Variants in PDP2 observed in about 807,000 individuals in gnomAD.
PDP2 encodes the protein pyruvate dehydrogenase phosphatase catalytic subunit 2.
A neutral mutation model predicts 34.2 loss-of-function variants in PDP2; 23 were observed. The ratio of observed to expected loss-of-function variants is 0.67; its 90% confidence interval spans 0.48 to 0.95. PDP2 has a LOEUF of 0.95. Ranked by LOEUF, PDP2 falls within the 40% of genes least tolerant of loss-of-function variation. The probability of loss-of-function intolerance (pLI) is 0.00; values close to 1 mark genes in which losing one functional copy is unlikely to be tolerated. For missense variants in PDP2, 571 were observed against 659.6 expected (o/e 0.87, Z 1.47); for synonymous variants, 275 against 269.2 (o/e 1.02, Z -0.21).
Position 66,881,091 on chromosome 16 carries a change from G to A in PDP2, c.-55+451G>A, listed in dbSNP as rs1294929548. On this transcript the variant is annotated intron_variant, in intron 1 of 1. Coordinates refer to ENST00000311765, the MANE Select transcript of PDP2 (RefSeq NM_020786.4). The stretch of plus-strand genomic sequence containing the variant: ...GGTTTTGGTGGGCTCCGGAGTCCAT[G>A]CACTTAGCGATGAGGCTGAAGTCAG... Among the ~76,000 whole-genome samples, 3 of 152,238 alleles carry A rather than the reference G, an allele frequency of 2.0e-5. No individual in the cohort carries two copies. In the East Asian group the frequency reaches 5.8e-4, roughly 29 times the overall value.
chr16:66,885,864 A>T lies in PDP2; in HGVS notation c.1580A>T (p.Lys527Met). 6.3e-7 allele frequency: 1 copy of T among 1,597,806 alleles called. No individual in the cohort carries two copies. The highest frequency in any genetic ancestry group is 2.2e-5 in the East Asian group (1 of 44,560). The change falls in exon 2 of 2, where the codon AAG (lysine) becomes ATG (methionine). Residue 527 changes from lysine (K) to methionine (M), a missense_variant. Lys to Met is a moderately conservative substitution (Grantham distance 95). Around this residue, in one of 2 missense-constraint regions of PDP2, gnomAD observed 281 missense variants for 375.8 expected, o/e 0.75. Transcript: ENST00000311765. This position sits in a 1 kb window ranked among gnomAD's most constrained non-coding sequence, Gnocchi z 4.6. ...TCAGAATCAATCGGTGCATATTACAAGGGGGGTTAAGAATCTCCCATCCTA... is the reference window on the plus strand; with the variant it reads ...TCAGAATCAATCGGTGCATATTACATGGGGGGTTAAGAATCTCCCATCCTA... The part of the protein sequence containing the change: ...FNSESIGAYY[K>M]GG
At position 66,888,070 on chromosome 16, in the gene PDP2, T is replaced by G. The variant is rs192075839; in HGVS notation, c.*2196T>G. On this transcript the variant is annotated 3_prime_UTR_variant, in exon 2 of 2. Coordinates refer to ENST00000311765, the MANE Select transcript of PDP2 (RefSeq NM_020786.4). ...CCTTCCTTCCTTCCTCTCTCTCTCT[T>G]TCTTTCTTTCTTTCCTTCTTGACAG... The G allele has an allele frequency of 1.4e-3, 189 of 138,180 alleles. 1 individual carries two copies. Among genetic ancestry groups the G allele is most frequent in the African/African-American group, 4.4e-3 (169 of 38,278 alleles). The allele number at this position is 138,180 out of a possible 1,614,324, so 8.6% of individuals were successfully genotyped here.
At position 66,884,678 on chromosome 16, in the gene PDP2, A is replaced by C. The variant is rs1961665923; in HGVS notation, c.394A>C (p.Thr132Pro). ...DRRGVASCLQTNGLMFGIFDG... is the reference protein window; with the variant it reads ...DRRGVASCLQPNGLMFGIFDG... ...GCGAGGTGTAGCCTCCTGCCTGCAAACCAATGGACTGATGTTTGGCATCTT... is the reference window on the plus strand; with the variant it reads ...GCGAGGTGTAGCCTCCTGCCTGCAACCCAATGGACTGATGTTTGGCATCTT... The change falls in exon 2 of 2, where the codon ACC (threonine) becomes CCC (proline). Residue 132 changes from threonine to proline, a missense_variant. Thr to Pro is a conservative substitution (Grantham distance 38, BLOSUM62 -1). Coordinates refer to ENST00000311765, the MANE Select transcript of PDP2 (RefSeq NM_020786.4). The C allele has an allele frequency of 1.2e-6, 2 of 1,614,054 alleles. No homozygotes were observed. Among genetic ancestry groups the C allele is most frequent in the Non-Finnish European group, 1.7e-6 (2 of 1,180,046 alleles).
Position 66,889,884 on chromosome 16 carries a change from C to T in PDP2, c.*4010C>T, listed in dbSNP as rs1438107045. On this transcript the variant is annotated 3_prime_UTR_variant, in exon 2 of 2. Coordinates refer to ENST00000311765, the MANE Select transcript of PDP2 (RefSeq NM_020786.4). ...CTGAAATGAGAGGATCTCTTGAGCC[C>T]AGGAGGTCTAGGCCAGAGTGAGCTG... The T allele has an allele frequency of 6.6e-6, 1 of 150,772 alleles. No individual in the cohort carries two copies. The highest frequency in any genetic ancestry group is 1.5e-5 in the Non-Finnish European group (1 of 67,894). 9.3% of individuals were successfully genotyped at this position (150,772 alleles called of 1,614,324 possible).
Position 66,885,701 on chromosome 16 carries a change from C to G in PDP2, c.1417C>G (p.Arg473Gly), listed in dbSNP as rs141108875. ...CGAGGCTGACCAAAATGCAGCCACG[C>G]GGCTGATCAGACATGCCATCGGGAA... is the stretch of plus-strand genomic sequence containing the variant. ...LHEADQNAAT[R>G]LIRHAIGNNE... The change falls in exon 2 of 2, where the codon CGG becomes GGG. Residue 473 changes from arginine (R) to glycine (G), a missense_variant. By Grantham distance (125) the Arg-to-Gly change is moderately radical. Coordinates refer to ENST00000311765, the MANE Select transcript of PDP2 (RefSeq NM_020786.4). This position sits in a 1 kb window ranked among gnomAD's most constrained non-coding sequence, Gnocchi z 4.6. 8 of 1,613,994 alleles carry G rather than the reference C, an allele frequency of 5.0e-6. No homozygotes were observed. The highest frequency in any genetic ancestry group is 1.3e-5 in the African/African-American group (1 of 75,026).
chr16:66,884,504 C>T lies in PDP2; in HGVS notation c.220C>T (p.His74Tyr), dbSNP rs937128272. 1 of 1,614,082 alleles carries T rather than the reference C, an allele frequency of 6.2e-7. No homozygotes were observed. The highest frequency in any genetic ancestry group is 8.5e-7 in the Non-Finnish European group (1 of 1,180,044). ...RHTSTEEDDFHLQLSPEQINE... is the reference protein window; with the variant it reads ...RHTSTEEDDFYLQLSPEQINE... The stretch of plus-strand genomic sequence containing the variant: ...CACATCAACAGAGGAAGATGATTTT[C>T]ACTTGCAACTCAGCCCTGAGCAGAT... The change falls in exon 2 of 2, where the codon CAC becomes TAC. Residue 74 changes from histidine to tyrosine, a missense_variant. His to Tyr is a moderately conservative substitution (Grantham distance 83). Coordinates refer to ENST00000311765, the MANE Select transcript of PDP2 (RefSeq NM_020786.4).
chr16:66,889,125 A>C lies in PDP2; in HGVS notation c.*3251A>C, dbSNP rs1961902923. 6.6e-6 allele frequency: 1 copy of C among 152,178 alleles called. No homozygotes were observed. The highest frequency in any genetic ancestry group is 2.4e-5 in the African/African-American group (1 of 41,436). 9.4% of individuals were successfully genotyped at this position (152,178 alleles called of 1,614,324 possible). A position where few individuals can be genotyped will look rare whatever the true frequency, so the allele number is the denominator to read the frequency against. The stretch of plus-strand genomic sequence containing the variant: ...TTAGTGGTAATTGTCAGGTCTTTCA[A>C]AGCATTTATTATTCCTTTTATACGG... On this transcript the variant is annotated 3_prime_UTR_variant, in exon 2 of 2. Transcript: ENST00000311765.
rs1961970463 is a variant in PDP2, at chr16:66,890,815, C to G, written c.*4941C>G. On this transcript the variant is annotated 3_prime_UTR_variant, in exon 2 of 2. Transcript: ENST00000311765. ...CTGGGGATAAAGGCCAGTGAGCCAGCCTGTGATGAGAGCTGCCCCTGGCAC... is the reference window on the plus strand; with the variant it reads ...CTGGGGATAAAGGCCAGTGAGCCAGGCTGTGATGAGAGCTGCCCCTGGCAC... The G allele has an allele frequency of 6.6e-6, 1 of 152,306 alleles. No individual in the cohort carries two copies. Among genetic ancestry groups the G allele is most frequent in the South Asian group, 2.1e-4 (1 of 4,830 alleles). 9.4% of individuals were successfully genotyped at this position (152,306 alleles called of 1,614,324 possible).
chr16:66,883,278 G>T (rs181251931), intron 1 of PDP2, among the ~76,000 whole-genome samples: 5 of 151,998 alleles, frequency 3.3e-5, no homozygotes, highest in African/African-American at 1.2e-4. Flanking sequence ...GACTACAGGC[G>T]CCCATCACTG....
At position 66,885,668 on chromosome 16, in the gene PDP2, G is replaced by C; in HGVS notation, c.1384G>C (p.Gly462Arg). Residue 462 changes from glycine to arginine, a missense_variant, in exon 2 of 2, where the codon GGG (glycine) becomes CGG (arginine). Physicochemically the swap from Gly to Arg is moderately radical, Grantham distance 125. Around this residue, in one of 2 missense-constraint regions of PDP2, gnomAD observed 281 missense variants for 375.8 expected, o/e 0.75. Transcript: ENST00000311765. This position sits in a 1 kb window ranked among gnomAD's most constrained non-coding sequence, Gnocchi z 4.6. The stretch of plus-strand genomic sequence containing the variant: ...CCTGCTGCTGCAGAGGAAAGCCAGC[G>C]GGCTCCACGAGGCTGACCAAAATGC... The part of the protein sequence containing the change: ...QSLLLQRKAS[G>R]LHEADQNAAT... 1 of 1,614,048 alleles carries C rather than the reference G, an allele frequency of 6.2e-7. No individual in the cohort carries two copies.
rs1297882525 is a variant in PDP2 at position 66,880,627 on chromosome 16, GGCCTC to G, written c.-64_-60del. ...CTGACCGGACGGAGCGGGCGGCTGT[GGCCTC>G]GCCAGCTGGTGAGAAGCGGGCGAGG... On this transcript the variant is annotated 5_prime_UTR_variant, in exon 1 of 2. Coordinates refer to ENST00000311765, the MANE Select transcript of PDP2 (RefSeq NM_020786.4). 3 of 152,556 alleles carry G rather than the reference GGCCTC, an allele frequency of 2.0e-5. No individual in the cohort carries two copies. The highest frequency in any genetic ancestry group is 4.4e-5 in the Non-Finnish European group (3 of 68,334). The allele number at this position is 152,556 out of a possible 1,614,324, so 9.5% of individuals were successfully genotyped here.
At position 66,885,479 on chromosome 16, in the gene PDP2, A is replaced by C. The variant is rs770796469; in HGVS notation, c.1195A>C (p.Arg399=). 3 of 1,613,896 alleles carry C rather than the reference A, an allele frequency of 1.9e-6. No individual in the cohort carries two copies. In the African/African-American group the frequency reaches 4.0e-5, roughly 22 times the overall value. ...LTAEPEVTYH[R]LRPQDKFLVL... ...TGCTGAGCCTGAGGTCACATACCAC[A>C]GGCTGAGGCCCCAGGATAAGTTCCT... The change falls in exon 2 of 2, where the codon AGG becomes CGG. Residue 399 remains arginine, a synonymous_variant. Transcript: ENST00000311765. This position sits in a 1 kb window ranked among gnomAD's most constrained non-coding sequence, Gnocchi z 4.6.
At chr16:66,883,802 G>A (rs918410917) in intron 1 of PDP2, among the ~76,000 whole-genome samples, 1 of 149,140 alleles carries the variant, frequency 6.7e-6, no homozygotes, top group African/African-American at 2.6e-5. Flanking sequence ...AGTGAGTTTA[G>A]TGTATTTTAA....
rs564255767 is a variant in PDP2 at position 66,886,025 on chromosome 16, A to C, written c.*151A>C. 2.7e-6 allele frequency: 2 copies of C among 742,504 alleles called. No homozygotes were observed. The highest frequency in any genetic ancestry group is 5.3e-5 in the East Asian group (2 of 37,578). 46.0% of individuals were successfully genotyped at this position (742,504 alleles called of 1,614,324 possible). On this transcript the variant is annotated 3_prime_UTR_variant, in exon 2 of 2. Coordinates refer to ENST00000311765, the MANE Select transcript of PDP2 (RefSeq NM_020786.4). ...ACAGGAGGAAAAAAACAAACAGCCT[A>C]GCTTTAAAAAACAGTGAAATAGCAG...
At chr16:66,882,134 A>C (rs1961545170) in intron 1 of PDP2, among the ~76,000 whole-genome samples, 1 of 152,242 alleles carries the variant, frequency 6.6e-6, no homozygotes, top group Non-Finnish European at 1.5e-5. Flanking sequence ...CCAGATTCAA[A>C]GTTGGGGTTA....
In PDP2 at chr16:66,888,011, TTCCTTCCTTCCTTCC is replaced by T. The variant is rs1567520928; in HGVS notation, c.*2139_*2153del. 7.2e-4 allele frequency: 73 copies of T among 100,856 alleles called. 2 individuals carry two copies. Among genetic ancestry groups the T allele is most frequent in the African/African-American group, 4.8e-3 (69 of 14,246 alleles). 6.2% of individuals were successfully genotyped at this position (100,856 alleles called of 1,614,324 possible). ...AGTCCGTCCTTCCTTCCTTCCTTCC[TTCCTTCCTTCCTTCC>T]TTCCTTCCTTCCTTCCTTCCTTCCT... is the stretch of plus-strand genomic sequence containing the variant. On this transcript the variant is annotated 3_prime_UTR_variant, in exon 2 of 2. Transcript: ENST00000311765.
Position 66,885,406 on chromosome 16 carries a change from C to T in PDP2, c.1122C>T (p.Asn374=). 1.9e-6 allele frequency: 3 copies of T among 1,613,936 alleles called. No individual in the cohort carries two copies. The highest frequency in any genetic ancestry group is 2.5e-6 in the Non-Finnish European group (3 of 1,180,038). The part of the protein sequence containing the change: ...LERGFNTEAL[N]IYQFTPPHYY... ...GGGGCTTCAATACCGAGGCCCTCAA[C>T]ATTTACCAGTTCACACCCCCACACT... is the stretch of plus-strand genomic sequence containing the variant. Residue 374 remains asparagine (N), a synonymous_variant, in exon 2 of 2, where the codon AAC becomes AAT. Coordinates refer to ENST00000311765, the MANE Select transcript of PDP2 (RefSeq NM_020786.4). The surrounding 1 kb of genome is among the most constrained non-coding windows in gnomAD (Gnocchi z 4.6).
At position 66,885,724 on chromosome 16, in the gene PDP2, G is replaced by A. The variant is rs1381582717; in HGVS notation, c.1440G>A (p.Gly480=). The A allele has an allele frequency of 6.2e-7, 1 of 1,614,018 alleles. No individual in the cohort carries two copies. Among genetic ancestry groups the A allele is most frequent in the Non-Finnish European group, 8.5e-7 (1 of 1,180,018 alleles). ...CGCGGCTGATCAGACATGCCATCGG[G>A]AACAATGAGTATGGGGAGATGGAGG... is the stretch of plus-strand genomic sequence containing the variant. ...AATRLIRHAI[G]NNEYGEMEAE... The change falls in exon 2 of 2, where the codon GGG becomes GGA. Residue 480 remains glycine, a synonymous_variant. Coordinates refer to ENST00000311765, the MANE Select transcript of PDP2 (RefSeq NM_020786.4). The surrounding 1 kb of genome is among the most constrained non-coding windows in gnomAD (Gnocchi z 4.6).
intron 1 of PDP2, among the ~76,000 whole-genome samples, chr16:66,881,717 G>A (rs558252602): frequency 6.6e-6 from 1 of 152,240 alleles, no homozygotes; most frequent in Non-Finnish European, 1.5e-5. Context: ...ATCTGGCTCT[G>A]TCGCCCAGGC....
Sources: allele counts gnomAD v4.1 joint callset (sites outside exome capture counted in the v4.1 genomes callset), GRCh38; gene constraint gnomAD v4.1.1; regional missense constraint gnomAD v4.1.1; non-coding constraint Gnocchi (gnomAD v3.1); transcripts MANE v1.5; gene names NCBI Gene and HGNC (gene_info 2026-07-23, HGNC 2026-07-21).